The following PCDH9 variants were observed in gnomAD, a reference collection of about 807,000 sequenced individuals.
PCDH9 encodes protocadherin 9, also known as protocadherin-9.
Under a neutral mutation model 70.6 loss-of-function variants are expected in PCDH9, and 24 were observed. The ratio of observed to expected loss-of-function variants is 0.34; its 90% CI spans 0.25 to 0.48. The LOEUF is 0.48. Ranked by LOEUF, PCDH9 falls within the 20% of genes least tolerant of loss-of-function variation. The pLI is 0.99. For synonymous variants in PCDH9, 562 were observed against 558.5 expected, an observed-to-expected ratio of 1.01 and a Z score of -0.09; for missense variants, 1,281 against 1,503.6, an observed-to-expected ratio of 0.85 and a Z score of 2.45.
At chr13:66,714,342 G>A (rs1192281589) in intron 3 of PCDH9, among the ~76,000 whole-genome samples, 3 of 151,928 alleles carry the variant, frequency 2.0e-5, no homozygotes, top group Non-Finnish European at 2.9e-5. Context: ...GCGGGTGCCT[G>A]TAGTCCCAGC....
intron 2 of PCDH9, among the ~76,000 whole-genome samples, chr13:67,118,068 A>G (rs1303093573): frequency 6.6e-6 from 1 of 152,110 alleles, no homozygotes; most frequent in Non-Finnish European, 1.5e-5. Context: ...TCTAACTTGC[A>G]GTTATGAGTT....
chr13:66,899,483 A>C (rs145397331), intron 3 of PCDH9, among the ~76,000 whole-genome samples: 55 of 152,010 alleles, frequency 3.6e-4, no homozygotes, highest in Non-Finnish European at 6.5e-4. Context: ...TACACTGAAC[A>C]CTAAACCATT....
At chr13:66,720,600 TG>T (rs1174601896) in intron 3 of PCDH9, among the ~76,000 whole-genome samples, 1 of 152,104 alleles carries the variant, frequency 6.6e-6, no homozygotes, top group Non-Finnish European at 1.5e-5. Context: ...AAAATCCTAA[TG>T]AAAAATCATA....
intron 2 of PCDH9, among the ~76,000 whole-genome samples, chr13:67,077,637 T>C (rs2085903718): frequency 6.6e-6 from 1 of 152,202 alleles, no homozygotes; most frequent in Non-Finnish European, 1.5e-5. Flanking sequence ...ACGGATGACA[T>C]CAACATTGTT....
At chr13:66,845,209 T>A (rs1440658880) in intron 3 of PCDH9, among the ~76,000 whole-genome samples, 1 of 152,142 alleles carries the variant, frequency 6.6e-6, no homozygotes, top group Non-Finnish European at 1.5e-5. Flanking sequence ...GTGCCCAGGC[T>A]TATGCTAAGG....
chr13:66,413,744 T>C (rs1957414190), intron 4 of PCDH9, among the ~76,000 whole-genome samples: 1 of 151,958 alleles, frequency 6.6e-6, no homozygotes, highest in Non-Finnish European at 1.5e-5. Context: ...TCAAACTTTT[T>C]ACTATTTTTT....
intron 4 of PCDH9, among the ~76,000 whole-genome samples, chr13:66,514,271 A>G (rs989802530): frequency 6.6e-6 from 1 of 152,090 alleles, no homozygotes; most frequent in Admixed American, 6.6e-5. Flanking sequence ...ATGTAATCCA[A>G]TAAAATCTAT....
At chr13:66,505,999 G>A (rs1461432862) in intron 4 of PCDH9, among the ~76,000 whole-genome samples, 1 of 152,144 alleles carries the variant, frequency 6.6e-6, no homozygotes, top group Non-Finnish European at 1.5e-5. Flanking sequence ...TAAGGCAGGA[G>A]GGTAATCTGT....
At chr13:66,526,459 A>T (rs889068558) in intron 4 of PCDH9, among the ~76,000 whole-genome samples, 1 of 152,028 alleles carries the variant, frequency 6.6e-6, no homozygotes, top group Admixed American at 6.6e-5. Context: ...GAAAATCAGG[A>T]CAGTCTTAAA....
chr13:66,435,565 A>G (rs1000200896), intron 4 of PCDH9, among the ~76,000 whole-genome samples: 1 of 152,014 alleles, frequency 6.6e-6, no homozygotes, highest in Non-Finnish European at 1.5e-5. Flanking sequence ...ATTTCATAAG[A>G]TTCACTCCCT....
chr13:66,855,855 G>A (rs2081386255), intron 3 of PCDH9, among the ~76,000 whole-genome samples: 1 of 151,788 alleles, frequency 6.6e-6, no homozygotes, highest in African/African-American at 2.4e-5. Context: ...ATCTACTTGT[G>A]TAAAAATGAG....
intron 3 of PCDH9, among the ~76,000 whole-genome samples, chr13:66,722,352 G>C (rs1021972167): frequency 6.6e-6 from 1 of 152,098 alleles, no homozygotes; most frequent in East Asian, 1.9e-4. Flanking sequence ...CACTTAATGA[G>C]GTATGTACTG....
intron 3 of PCDH9, among the ~76,000 whole-genome samples, chr13:66,708,403 G>GTTTTTTTTTTTTTTTTTTTTTTTTTT (rs36087870): frequency 7.3e-6 from 1 of 136,988 alleles, no homozygotes; most frequent in Non-Finnish European, 1.5e-5. Flanking sequence ...TTGAGATTTA[G>GTTTTTTTTTTTTTTTTTTTTTTTTTT]TTTTTTTTTT....
At chr13:67,036,388 T>C (rs2085010108) in intron 2 of PCDH9, among the ~76,000 whole-genome samples, 1 of 152,186 alleles carries the variant, frequency 6.6e-6, no homozygotes, top group Non-Finnish European at 1.5e-5. Context: ...CTCAGGTCTT[T>C]GATAAGTCAA....
At chr13:67,090,333 T>C (rs2086193214) in intron 2 of PCDH9, among the ~76,000 whole-genome samples, 1 of 152,044 alleles carries the variant, frequency 6.6e-6, no homozygotes, top group Admixed American at 6.6e-5. Flanking sequence ...CTAATGTTGC[T>C]GGTCCTTAGA....
intron 3 of PCDH9, among the ~76,000 whole-genome samples, chr13:66,665,119 T>C (rs2078076207): frequency 6.6e-6 from 1 of 151,802 alleles, no homozygotes; most frequent in African/African-American, 2.4e-5. Context: ...CTTTTTTTTT[T>C]TTTTGAGACG....
intron 4 of PCDH9, among the ~76,000 whole-genome samples, chr13:66,309,641 T>C (rs1429223829): frequency 6.6e-6 from 1 of 151,684 alleles, no homozygotes; most frequent in African/African-American, 2.4e-5. Context: ...GTAATCCTTT[T>C]TCTTTGATAT....
Position 66,462,672 on chromosome 13 carries a change from G to A in PCDH9, c.3341-157644C>T, listed in dbSNP as rs536636349. On this transcript the variant is annotated intron_variant, in intron 4 of 4. Transcript: ENST00000377865. ...CCAGGTAATTCTAATATGCAGAGTA[G>A]CTTGGGAAACGCTGGGCTATGATTT... 1.3e-4 allele frequency among the ~76,000 whole-genome samples: 19 copies of A among 151,906 alleles called. No individual in the cohort carries two copies. The South Asian group carries it at 3.9e-3, about 32-fold the overall frequency.
At chr13:66,742,509 A>G (rs1483076721) in intron 3 of PCDH9, among the ~76,000 whole-genome samples, 1 of 147,944 alleles carries the variant, frequency 6.8e-6, no homozygotes, top group African/African-American at 2.5e-5. Context: ...TAATTAAACT[A>G]AAGAGCTTCT....
Sources: gnomAD v4.1 joint callset for allele counts (sites outside exome capture counted in the v4.1 genomes callset) on GRCh38, gnomAD v4.1.1 for gene constraint, MANE v1.5 for transcripts, NCBI Gene and HGNC (gene_info 2026-07-23, HGNC 2026-07-21) for gene names.